Variants in RASGRF2 observed in about 807,000 individuals in gnomAD.
RASGRF2 encodes Ras protein specific guanine nucleotide releasing factor 2, also known as ras-specific guanine nucleotide-releasing factor 2.
In RASGRF2, 76 loss-of-function variants were observed where a neutral mutation model predicts 151.0. That is an observed-to-expected ratio of 0.50 (90% CI 0.42 to 0.61). The LOEUF is 0.61. RASGRF2 is among the 20% of genes least tolerant of loss of function. The pLI, the probability that RASGRF2 is intolerant of heterozygous loss-of-function variation, is 0.00. For synonymous variants in RASGRF2, 504 were observed against 566.5 expected, an observed-to-expected ratio of 0.89 and a Z score of 1.57; for missense variants, 1,148 against 1,564.6, an observed-to-expected ratio of 0.73 and a Z score of 4.49.
At chr5:81,018,393 G>A (rs1449744106) in intron 1 of RASGRF2, among the ~76,000 whole-genome samples, 1 of 152,116 alleles carries the variant, frequency 6.6e-6, no homozygotes, top group East Asian at 1.9e-4. Context: ...CTATCCTACA[G>A]TGGCAGCAAG....
At chr5:81,055,787 A>G (rs1751185729) in intron 2 of RASGRF2, among the ~76,000 whole-genome samples, 1 of 152,046 alleles carries the variant, frequency 6.6e-6, no homozygotes, top group African/African-American at 2.4e-5. Flanking sequence ...GTAGGCTATT[A>G]ATTATTGCCT....
intron 17 of RASGRF2, among the ~76,000 whole-genome samples, chr5:81,132,614 A>G (rs892171733): frequency 2.0e-5 from 3 of 152,216 alleles, no homozygotes; most frequent in Admixed American, 1.3e-4. Context: ...TCCTTGAGAT[A>G]TGCCTAGACC....
chr5:81,225,653 G>T (rs766220874), intron 26 of RASGRF2, 25 bp from the exon 27 acceptor site: 2 of 1,610,562 alleles, frequency 1.2e-6, no homozygotes, highest in East Asian at 2.2e-5. Context: ...AGAGGTAAAA[G>T]CTGGGACTTC....
rs553376835 is a variant in RASGRF2 at position 81,215,395 on chromosome 5, C to T, written c.3355-481C>T. On this transcript the variant is annotated intron_variant, in intron 23 of 26. Coordinates refer to ENST00000265080, the MANE Select transcript of RASGRF2 (RefSeq NM_006909.3). ...AAGTGATTCTCCTGCCTCAGCCTCC[C>T]GAGTAGCTGGGATTACAGGCATATG... is the stretch of plus-strand genomic sequence containing the variant. Among the ~76,000 whole-genome samples, 6 of 151,898 alleles carry T rather than the reference C, an allele frequency of 4.0e-5. No homozygotes were observed. In the South Asian group the frequency reaches 8.3e-4, roughly 21 times the overall value.
intron 12 of RASGRF2, among the ~76,000 whole-genome samples, chr5:81,099,329 A>G (rs987941304): frequency 6.6e-6 from 1 of 152,238 alleles, no homozygotes; most frequent in Non-Finnish European, 1.5e-5. Context: ...TATATTAAAT[A>G]TATTCAGCTG....
chr5:80,969,375 C>A (rs912308984), intron 1 of RASGRF2, among the ~76,000 whole-genome samples: 5 of 149,614 alleles, frequency 3.3e-5, no homozygotes, highest in Admixed American at 6.6e-5. Context: ...ACCTTGTGAT[C>A]TGCCCCCCTT....
chr5:81,175,649 A>AG (rs1195274525), intron 17 of RASGRF2, among the ~76,000 whole-genome samples: 1 of 151,276 alleles, frequency 6.6e-6, no homozygotes, highest in Non-Finnish European at 1.5e-5. Context: ...CCAGCTACTC[A>AG]GGAGGCTGAG....
chr5:81,102,253 A>G (rs930105208), intron 12 of RASGRF2, among the ~76,000 whole-genome samples: 4 of 152,220 alleles, frequency 2.6e-5, no homozygotes, highest in Non-Finnish European at 4.4e-5. Context: ...AAGGCCCATT[A>G]ATCAAGTTCT....
At chr5:80,993,695 G>A (rs547663801) in intron 1 of RASGRF2, among the ~76,000 whole-genome samples, 16 of 152,238 alleles carry the variant, frequency 1.1e-4, no homozygotes, top group Non-Finnish European at 2.4e-4. Context: ...CTGAAGGCAA[G>A]AGGGAAGGGA....
At chr5:81,059,990 C>A (rs1386407960) in intron 2 of RASGRF2, among the ~76,000 whole-genome samples, 1 of 152,244 alleles carries the variant, frequency 6.6e-6, no homozygotes, top group Non-Finnish European at 1.5e-5. Context: ...GAAGCTTTTA[C>A]TCATGGCAGA....
At chr5:81,071,942 T>C (rs1435699066) in intron 4 of RASGRF2, among the ~76,000 whole-genome samples, 3 of 152,196 alleles carry the variant, frequency 2.0e-5, no homozygotes, top group African/African-American at 7.2e-5. Context: ...TTTAAAAATA[T>C]TTCTGTTAAA....
chr5:81,219,646 A>C, intron 25 of RASGRF2, 64 bp from the exon 26 acceptor site: 2 of 1,358,390 alleles, frequency 1.5e-6, no homozygotes, highest in South Asian at 2.4e-5. Flanking sequence ...AATGTGCTGC[A>C]ATGCAGGAAA....
At chr5:81,086,562 T>C (rs1032502332) in intron 8 of RASGRF2, among the ~76,000 whole-genome samples, 14 of 152,316 alleles carry the variant, frequency 9.2e-5, no homozygotes, top group African/African-American at 2.9e-4. Context: ...GGCCACAAAA[T>C]GACATGTTGC....
intron 1 of RASGRF2, among the ~76,000 whole-genome samples, chr5:80,976,005 C>A (rs771536483): frequency 6.6e-6 from 1 of 151,996 alleles, no homozygotes; most frequent in African/African-American, 2.4e-5. Context: ...CCACCACACC[C>A]GACTAATTTT....
intron 2 of RASGRF2, among the ~76,000 whole-genome samples, chr5:81,067,150 A>C (rs1374438508): frequency 6.6e-6 from 1 of 152,220 alleles, no homozygotes; most frequent in Non-Finnish European, 1.5e-5. Flanking sequence ...TTGGGATCAC[A>C]TATCTCCTGG....
chr5:81,087,350 A>G (rs1265150382), intron 9 of RASGRF2: 3 of 702,732 alleles, frequency 4.3e-6, no homozygotes, highest in East Asian at 2.7e-5. Context: ...AAGACTGGGG[A>G]CCATGTCCGA....
chr5:80,993,893 C>T (rs1259892592), intron 1 of RASGRF2, among the ~76,000 whole-genome samples: 1 of 152,078 alleles, frequency 6.6e-6, no homozygotes, highest in Non-Finnish European at 1.5e-5. Flanking sequence ...TTTCCATGTA[C>T]CTTGGCCTCC....
At chr5:81,187,297 T>A (rs1470014690) in intron 18 of RASGRF2, among the ~76,000 whole-genome samples, 1 of 151,820 alleles carries the variant, frequency 6.6e-6, no homozygotes. Context: ...AAAGCTGGAG[T>A]TTTAATGTTA....
At chr5:80,998,336 TC>T (rs1281888742) in intron 1 of RASGRF2, among the ~76,000 whole-genome samples, 1 of 152,174 alleles carries the variant, frequency 6.6e-6, no homozygotes, top group Admixed American at 6.5e-5. Flanking sequence ...CCTTTCTTCC[TC>T]CCACCTTTAC....
Sources: gnomAD v4.1 joint callset for allele counts (sites outside exome capture counted in the v4.1 genomes callset) on GRCh38, gnomAD v4.1.1 for gene constraint, MANE v1.5 for transcripts, NCBI Gene and HGNC (gene_info 2026-07-23, HGNC 2026-07-21) for gene names.